EEF2K: variants seen among roughly 807,000 people sequenced by gnomAD.
EEF2K encodes eukaryotic elongation factor 2 kinase.
A neutral mutation model predicts 93.8 loss-of-function variants in EEF2K; 70 were observed. The ratio of observed to expected loss-of-function variants is 0.75; its 90% CI spans 0.62 to 0.91. EEF2K has a LOEUF of 0.91. Among genes scored for constraint, EEF2K ranks in the 40% least tolerant of loss-of-function variants. The pLI, the probability that EEF2K is intolerant of heterozygous loss-of-function variation, is 0.00. For synonymous variants in EEF2K, 376 were observed against 380.8 expected, an observed-to-expected ratio of 0.99 and a Z score of 0.15; for missense variants, 935 against 972.9, an observed-to-expected ratio of 0.96 and a Z score of 0.52.
At chr16:22,267,927 C>T (rs2047541021) in intron 15 of EEF2K, among the ~76,000 whole-genome samples, 1 of 152,122 alleles carries the variant, frequency 6.6e-6, no homozygotes, top group Non-Finnish European at 1.5e-5. Context: ...GTTGAGAAGC[C>T]CTTGGCGGGC....
Position 22,251,302 on chromosome 16 carries a change from C to G in EEF2K, c.598C>G (p.Arg200Gly). 1 of 1,614,092 alleles carries G rather than the reference C, an allele frequency of 6.2e-7. No homozygotes were observed. Among genetic ancestry groups the G allele is most frequent in the Non-Finnish European group, 8.5e-7 (1 of 1,179,992 alleles). ...CAAGCTCTGGGGGGAGGAGTATAAT[C>G]GGCACAAGCCCCCCAAGCAGGTGCG... ...EAKLWGEEYN[R>G]HKPPKQVDIM... The change falls in exon 6 of 18, where the codon CGG (arginine) becomes GGG (glycine). Residue 200 changes from arginine (R) to glycine (G), a missense_variant. Physicochemically the swap from Arg to Gly is moderately radical, Grantham distance 125 (BLOSUM62 -2). Transcript: ENST00000263026.
chr16:22,209,189 G>A (rs1312030381), intron 1 of EEF2K, among the ~76,000 whole-genome samples: 3 of 152,242 alleles, frequency 2.0e-5, no homozygotes, highest in African/African-American at 7.2e-5. Context: ...ATGCCACCGT[G>A]CCCAGCTAAT....
At chr16:22,269,413 A>T (rs1006376850) in intron 15 of EEF2K, among the ~76,000 whole-genome samples, 9 of 142,548 alleles carry the variant, frequency 6.3e-5, no homozygotes, top group African/African-American at 1.0e-4. Context: ...TAATATAACT[A>T]TTTTTTTTTT....
chr16:22,257,374 A>G lies in EEF2K; in HGVS notation c.890A>G (p.Asp297Gly). 6.2e-7 allele frequency: 1 copy of G among 1,613,386 alleles called. No individual in the cohort carries two copies. Among genetic ancestry groups the G allele is most frequent in the Non-Finnish European group, 8.5e-7 (1 of 1,179,810 alleles). ...ACGGAGACGGGCACTGACTTTGGAG[A>G]CGGCAACCTAGGTACGTGGGGAAAG... Reference protein sequence around the residue: ...IHTETGTDFGDGNLGVRGMAL... With the variant: ...IHTETGTDFGGGNLGVRGMAL... The change falls in exon 8 of 18, where the codon GAC (aspartate) becomes GGC (glycine). Residue 297 changes from aspartate to glycine, a missense_variant. Transcript: ENST00000263026.
chr16:22,207,586 G>C (rs907360127), intron 1 of EEF2K, among the ~76,000 whole-genome samples: 15 of 152,098 alleles, frequency 9.9e-5, no homozygotes, highest in Non-Finnish European at 2.2e-4. Flanking sequence ...GGCACACAGT[G>C]TCATAGTCTA....
At chr16:22,231,199 C>T (rs1202213679) in intron 2 of EEF2K, among the ~76,000 whole-genome samples, 1 of 151,538 alleles carries the variant, frequency 6.6e-6, no homozygotes, top group Non-Finnish European at 1.5e-5. Flanking sequence ...AGCAATTCTC[C>T]TGCCTCAGCC....
At chr16:22,241,359 A>G (rs2047220028) in intron 2 of EEF2K, among the ~76,000 whole-genome samples, 1 of 152,054 alleles carries the variant, frequency 6.6e-6, no homozygotes, top group African/African-American at 2.4e-5. Context: ...TAAAAAATGC[A>G]TGTAGGCCGG....
chr16:22,253,662 A>G (rs57928420), intron 6 of EEF2K, among the ~76,000 whole-genome samples: 26,432 of 148,130 alleles, frequency 0.18, 3,178 homozygotes, highest in African/African-American at 0.36. Context: ...CATCATTCTA[A>G]CTTTTTTTTT....
intron 9 of EEF2K, 57 bp from the exon 10 acceptor site, chr16:22,258,437 C>G: frequency 6.4e-7 from 1 of 1,564,784 alleles, no homozygotes; most frequent in East Asian, 2.3e-5. Context: ...ACAGGAAGAG[C>G]CCTTTAATTC....
At position 22,288,366 on chromosome 16, in the gene EEF2K, C is replaced by G. The variant is rs2047769786; in HGVS notation, c.*4370C>G. The G allele has an allele frequency of 6.6e-6, 1 of 152,138 alleles. No individual in the cohort carries two copies. Among genetic ancestry groups the G allele is most frequent in the Admixed American group, 6.6e-5 (1 of 15,248 alleles). The allele number at this position is 152,138 out of a possible 1,614,324, so 9.4% of individuals were successfully genotyped here. Reference sequence around the variant, plus strand: ...ATGTTGCCCAGGCTGGTCTTGAACTCCTTGGCCTCAAGTGATCCTCCCACC... The same window carrying G: ...ATGTTGCCCAGGCTGGTCTTGAACTGCTTGGCCTCAAGTGATCCTCCCACC... On this transcript the variant is annotated 3_prime_UTR_variant, in exon 18 of 18. Transcript: ENST00000263026.
At chr16:22,267,501 G>C (rs2047536274) in intron 15 of EEF2K, among the ~76,000 whole-genome samples, 1 of 151,958 alleles carries the variant, frequency 6.6e-6, no homozygotes, top group South Asian at 2.1e-4. Flanking sequence ...AGGCTGAGGT[G>C]GGAGAATCTC....
chr16:22,257,484 C>T (rs1038113830), intron 8 of EEF2K, 99 bp downstream of exon 8: 117 of 1,554,284 alleles, frequency 7.5e-5, no homozygotes, highest in Middle Eastern at 3.4e-4. Context: ...AGACACTGTA[C>T]GCGCTTTTTC....
intron 13 of EEF2K, among the ~76,000 whole-genome samples, 195 bp from the exon 14 acceptor site, chr16:22,266,195 C>T (rs2047515897): frequency 6.6e-6 from 1 of 151,324 alleles, no homozygotes; most frequent in South Asian, 2.1e-4. Context: ...GCACTCCAAC[C>T]TGGGCAATAG....
At chr16:22,273,503 T>C in intron 15 of EEF2K, 123 bp from the exon 16 acceptor site, 1 of 1,445,938 alleles carries the variant, frequency 6.9e-7, no homozygotes, top group Non-Finnish European at 9.3e-7. Context: ...CTATCTCACT[T>C]CTATAGCCTC....
At chr16:22,242,211 C>G (rs982976405) in intron 2 of EEF2K, among the ~76,000 whole-genome samples, 6 of 152,036 alleles carry the variant, frequency 3.9e-5, no homozygotes, top group Admixed American at 1.3e-4. Flanking sequence ...GGCCTGGGCT[C>G]TGTGTGTGTG....
At chr16:22,240,713 A>G (rs2047213275) in intron 2 of EEF2K, among the ~76,000 whole-genome samples, 1 of 152,206 alleles carries the variant, frequency 6.6e-6, no homozygotes, top group Admixed American at 6.6e-5. Context: ...CATTAAGAAA[A>G]GTCAGATGCA....
intron 2 of EEF2K, among the ~76,000 whole-genome samples, chr16:22,229,168 T>C (rs2141654644): frequency 6.6e-6 from 1 of 151,960 alleles, no homozygotes; most frequent in Non-Finnish European, 1.5e-5. Flanking sequence ...AAAAACCTCA[T>C]ACTGTGGAAG....
intron 6 of EEF2K, among the ~76,000 whole-genome samples, chr16:22,256,090 T>G (rs1314463689): frequency 6.6e-6 from 1 of 151,762 alleles, no homozygotes; most frequent in African/African-American, 2.4e-5. Flanking sequence ...ATTTTTGTAT[T>G]TTTATTTTAT....
intron 10 of EEF2K, 121 bp downstream of exon 10, chr16:22,258,816 G>T (rs573803833): frequency 1.5e-6 from 2 of 1,358,688 alleles, no homozygotes; most frequent in African/African-American, 2.9e-5. Flanking sequence ...CATGGCCCCA[G>T]TGGTTTTATA....
Sources: gnomAD v4.1 joint callset for allele counts (sites outside exome capture counted in the v4.1 genomes callset) on GRCh38, gnomAD v4.1.1 for gene constraint, MANE v1.5 for transcripts, NCBI Gene and HGNC (gene_info 2026-07-23, HGNC 2026-07-21) for gene names.